Variants in ELMOD1 observed in about 807,000 individuals in gnomAD.
The protein encoded by ELMOD1 is ELMO domain-containing protein 1.
A neutral mutation model predicts 46.7 loss-of-function variants in ELMOD1; 21 were observed. The observed-to-expected ratio is 0.45, with a 90% CI of 0.32 to 0.65. The LOEUF (loss-of-function observed/expected upper bound fraction) is 0.65, where lower values mean the gene tolerates loss of function less well. Ranked by LOEUF, ELMOD1 falls within the 30% of genes least tolerant of loss-of-function variation. The pLI is 0.04. For missense variants in ELMOD1, 348 were observed against 407.8 expected, an observed-to-expected ratio of 0.85 and a Z score of 1.26; for synonymous variants, 122 against 138.2, an observed-to-expected ratio of 0.88 and a Z score of 0.82.
rs1286077654 is a variant in ELMOD1 at position 107,666,398 on chromosome 11, A to T, written c.*1201A>T. 1 of 152,262 alleles carries T rather than the reference A, an allele frequency of 6.6e-6. No homozygotes were observed. Among genetic ancestry groups the T allele is most frequent in the Non-Finnish European group, 1.5e-5 (1 of 68,018 alleles). The allele number at this position is 152,262 out of a possible 1,614,324, so 9.4% of individuals were successfully genotyped here. On this transcript the variant is annotated 3_prime_UTR_variant, in exon 12 of 12. Coordinates refer to ENST00000265840, the MANE Select transcript of ELMOD1 (RefSeq NM_018712.4). ...GCTGACTAGTTTGTTTTCTATGTCA[A>T]GGGGCAATATTAAAAAACAATTTGC...
At chr11:107,618,350 A>C (rs550754932) in intron 2 of ELMOD1, 144 bp downstream of exon 2, 2 of 967,390 alleles carry the variant, frequency 2.1e-6, no homozygotes, top group Non-Finnish European at 3.2e-6. Context: ...TTTTGCTAAG[A>C]ATAACTTGGC....
chr11:107,654,163 T>C lies in ELMOD1; in HGVS notation c.648-9T>C. 6.3e-7 allele frequency: 1 copy of C among 1,575,288 alleles called. No individual in the cohort carries two copies. Among genetic ancestry groups the C allele is most frequent in the South Asian group, 1.2e-5 (1 of 85,414 alleles). On this transcript the variant is annotated splice_polypyrimidine_tract_variant and intron_variant, in intron 9 of 11. Coordinates refer to ENST00000265840, the MANE Select transcript of ELMOD1 (RefSeq NM_018712.4). ...TCTGACTTACTTACTTATTCATTCA[T>C]CCATTCAGCAAATTCAGCAAAGCAG...
At chr11:107,645,267 C>T (rs1866408332) in intron 6 of ELMOD1, among the ~76,000 whole-genome samples, 1 of 150,840 alleles carries the variant, frequency 6.6e-6, no homozygotes, top group Admixed American at 6.6e-5. Flanking sequence ...TAAACTTTTC[C>T]CCAATGACGA....
intron 11 of ELMOD1, among the ~76,000 whole-genome samples, chr11:107,657,221 G>T (rs1042992740): frequency 2.6e-5 from 4 of 152,136 alleles, no homozygotes; most frequent in Non-Finnish European, 4.4e-5. Context: ...CAGCAACGTT[G>T]TATTCTAAAA....
At chr11:107,646,948 AT>A (rs1866438212) in intron 6 of ELMOD1, among the ~76,000 whole-genome samples, 1 of 58,242 alleles carries the variant, frequency 1.7e-5, no homozygotes, top group African/African-American at 7.5e-5. Context: ...TATCTAATCT[AT>A]CTATCTATCT....
intron 2 of ELMOD1, among the ~76,000 whole-genome samples, chr11:107,622,250 T>C (rs1211021399): frequency 6.6e-6 from 1 of 152,162 alleles, no homozygotes; most frequent in African/African-American, 2.4e-5. Flanking sequence ...AGATGTGGGA[T>C]GCTGTAAACA....
At chr11:107,599,779 A>AAAAAG (rs1565368312) in intron 1 of ELMOD1, among the ~76,000 whole-genome samples, 4 of 150,136 alleles carry the variant, frequency 2.7e-5, no homozygotes, top group African/African-American at 9.9e-5. Flanking sequence ...AAAAAAAAAA[A>AAAAAG]CTGTATCCTA....
At chr11:107,598,981 A>C (rs1271205680) in intron 1 of ELMOD1, among the ~76,000 whole-genome samples, 1 of 152,232 alleles carries the variant, frequency 6.6e-6, no homozygotes, top group African/African-American at 2.4e-5. Flanking sequence ...AACACTGAGA[A>C]AGGCACAAAA....
rs146225098 is a variant in ELMOD1, at chr11:107,621,105, A to G, written c.17+2899A>G. On this transcript the variant is annotated intron_variant, in intron 2 of 11. Coordinates refer to ENST00000265840, the MANE Select transcript of ELMOD1 (RefSeq NM_018712.4). Reference sequence around the variant, plus strand: ...GTTGGGATTTAGTTATTGAGGTTATATTTTTTAAAGTTATCAGAACATGAT... The same window carrying G: ...GTTGGGATTTAGTTATTGAGGTTATGTTTTTTAAAGTTATCAGAACATGAT... Among the ~76,000 whole-genome samples the G allele has an allele frequency of 2.9e-3, 440 of 152,326 alleles. 1 individual carries two copies. Among genetic ancestry groups the G allele is most frequent in the African/African-American group, 9.7e-3 (403 of 41,576 alleles).
At chr11:107,636,288 G>T (rs1379809243) in intron 6 of ELMOD1, among the ~76,000 whole-genome samples, 1 of 152,190 alleles carries the variant, frequency 6.6e-6, no homozygotes, top group Admixed American at 6.5e-5. Context: ...GAGAAATAAT[G>T]TGGAGTTATG....
intron 1 of ELMOD1, among the ~76,000 whole-genome samples, chr11:107,608,354 T>G (rs1292936144): frequency 2.3e-5 from 2 of 88,844 alleles, no homozygotes; most frequent in Non-Finnish European, 4.0e-5. Context: ...TTTATGTATC[T>G]TTAAAAAAAA....
At chr11:107,652,298 C>G (rs906644959) in intron 9 of ELMOD1, among the ~76,000 whole-genome samples, 1 of 152,212 alleles carries the variant, frequency 6.6e-6, no homozygotes, top group African/African-American at 2.4e-5. Flanking sequence ...TATCCTTCAG[C>G]AAGCATGACA....
In ELMOD1 at chr11:107,665,289, C is replaced by T. The variant is rs1316729141; in HGVS notation, c.*92C>T. 3.9e-6 allele frequency: 5 copies of T among 1,282,426 alleles called. No homozygotes were observed. Among genetic ancestry groups the T allele is most frequent in the Non-Finnish European group, 5.5e-6 (5 of 911,448 alleles). The allele number at this position is 1,282,426 out of a possible 1,614,324, so 79.4% of individuals were successfully genotyped here. A position where few individuals can be genotyped will look rare whatever the true frequency, so the allele number is the denominator to read the frequency against. The stretch of plus-strand genomic sequence containing the variant: ...GGTCGCAGCTCACGCATTGAATGCA[C>T]ACAGTGATTGTATGCATGCCTTTTG... On this transcript the variant is annotated 3_prime_UTR_variant, in exon 12 of 12. Transcript: ENST00000265840.
chr11:107,592,355 T>C (rs1467738850), intron 1 of ELMOD1: 1 of 534,274 alleles, frequency 1.9e-6, no homozygotes, highest in Non-Finnish European at 3.8e-6. Context: ...GGGCCGTAGA[T>C]TGGTACTATC....
chr11:107,650,790 A>T (rs1313581598), intron 8 of ELMOD1, 95 bp from the exon 9 acceptor site: 1 of 857,042 alleles, frequency 1.2e-6, no homozygotes, highest in Non-Finnish European at 1.7e-6. Context: ...GGAATTACTA[A>T]GGCTTTTTTT....
At chr11:107,654,487 G>A (rs1053891604) in intron 10 of ELMOD1, among the ~76,000 whole-genome samples, 2 of 152,094 alleles carry the variant, frequency 1.3e-5, no homozygotes, top group Non-Finnish European at 2.9e-5. Flanking sequence ...ATTGTGTTTG[G>A]GGCCGGGCGC....
intron 2 of ELMOD1, among the ~76,000 whole-genome samples, chr11:107,622,975 CAT>C (rs1345289382): frequency 2.0e-5 from 3 of 152,048 alleles, no homozygotes; most frequent in Non-Finnish European, 4.4e-5. Flanking sequence ...TATATATACA[CAT>C]ATATATTTTT....
chr11:107,637,349 G>A (rs1040324035), intron 6 of ELMOD1, among the ~76,000 whole-genome samples: 31 of 152,128 alleles, frequency 2.0e-4, no homozygotes, highest in Admixed American at 1.3e-4. Flanking sequence ...CATCATTTCT[G>A]CCCTCAAGCA....
At chr11:107,656,196 T>C in intron 11 of ELMOD1, 130 bp downstream of exon 11, 3 of 984,458 alleles carry the variant, frequency 3.0e-6, no homozygotes, top group Non-Finnish European at 4.4e-6. Flanking sequence ...AAGACCAGCT[T>C]GGCCAGCATG....
Sources: allele counts gnomAD v4.1 joint callset (sites outside exome capture counted in the v4.1 genomes callset), GRCh38; gene constraint gnomAD v4.1.1; transcripts MANE v1.5; gene names NCBI Gene and HGNC (gene_info 2026-07-23, HGNC 2026-07-21).